The following DPYS variants were observed in gnomAD, a reference collection of about 807,000 sequenced individuals.
DPYS encodes dihydropyrimidine amidohydrolase.
In DPYS, 39 loss-of-function variants were observed where a neutral mutation model predicts 50.3. The observed-to-expected ratio is 0.78, with a 90% CI of 0.60 to 1.01. The LOEUF (loss-of-function observed/expected upper bound fraction) is 1.01. Ranked by LOEUF, DPYS falls within the 50% of genes least tolerant of loss-of-function variation. The pLI is 0.00. For synonymous variants in DPYS, 245 were observed against 250.7 expected, an observed-to-expected ratio of 0.98 and a Z score of 0.22; for missense variants, 659 against 680.9, an observed-to-expected ratio of 0.97 and a Z score of 0.36.
At chr8:104,387,632 T>C (rs984070365) in intron 8 of DPYS, among the ~76,000 whole-genome samples, 4 of 152,228 alleles carry the variant, frequency 2.6e-5, no homozygotes, top group Admixed American at 1.3e-4. Context: ...TTGGTAACTA[T>C]GTGAGCTCCC....
intron 6 of DPYS, among the ~76,000 whole-genome samples, chr8:104,427,200 CAA>C (rs1269273453): frequency 1.4e-4 from 8 of 57,826 alleles, no homozygotes; most frequent in South Asian, 7.5e-4. Context: ...GACTCCGTCT[CAA>C]AAAAAAAAAA....
At chr8:104,441,335 A>G (rs1376190065) in intron 4 of DPYS, among the ~76,000 whole-genome samples, 3 of 152,198 alleles carry the variant, frequency 2.0e-5, no homozygotes, top group Non-Finnish European at 4.4e-5. Flanking sequence ...ATCTACCCTC[A>G]AGATACCCAT....
chr8:104,432,670 A>G (rs971500703), intron 4 of DPYS, among the ~76,000 whole-genome samples: 2 of 152,264 alleles, frequency 1.3e-5, no homozygotes, highest in Admixed American at 6.5e-5. Context: ...ATACAGATTT[A>G]GGTTCAAATC....
chr8:104,461,867 A>G (rs940739654), intron 1 of DPYS, among the ~76,000 whole-genome samples: 5 of 152,172 alleles, frequency 3.3e-5, no homozygotes, highest in Non-Finnish European at 4.4e-5. Flanking sequence ...ATTTAAGGAC[A>G]GGGGGAAATG....
At chr8:104,390,679 A>G (rs1199073246) in intron 8 of DPYS, among the ~76,000 whole-genome samples, 1 of 151,810 alleles carries the variant, frequency 6.6e-6, no homozygotes, top group Non-Finnish European at 1.5e-5. Flanking sequence ...TTGCATTTTT[A>G]GTAGAGATGG....
intron 4 of DPYS, among the ~76,000 whole-genome samples, chr8:104,430,862 C>T (rs1167156886): frequency 6.6e-6 from 1 of 152,124 alleles, no homozygotes; most frequent in Admixed American, 6.6e-5. Context: ...CCGTGACATA[C>T]CCTACTGGAT....
intron 7 of DPYS, among the ~76,000 whole-genome samples, chr8:104,404,721 C>A (rs993171311): frequency 6.6e-6 from 1 of 152,238 alleles, no homozygotes; most frequent in African/African-American, 2.4e-5. Flanking sequence ...GCCCGCAGGC[C>A]AAATCTGGCC....
intron 7 of DPYS, chr8:104,419,104 C>T (rs1321263593): frequency 1.2e-5 from 12 of 977,670 alleles, no homozygotes; most frequent in Non-Finnish European, 1.3e-5. Flanking sequence ...GACAGTTCTT[C>T]CTCCTCTCCT....
At chr8:104,454,459 T>G (rs1397448699) in intron 1 of DPYS, among the ~76,000 whole-genome samples, 1 of 152,186 alleles carries the variant, frequency 6.6e-6, no homozygotes, top group African/African-American at 2.4e-5. Flanking sequence ...GTGAACATAC[T>G]AAAAGCCATT....
At chr8:104,432,808 A>G (rs547276253) in intron 4 of DPYS, among the ~76,000 whole-genome samples, 133 of 152,318 alleles carry the variant, frequency 8.7e-4, no homozygotes, top group African/African-American at 3.0e-3. Context: ...AGTCAAATAA[A>G]TTAATGTTTA....
chr8:104,415,831 G>T (rs1349464006), intron 7 of DPYS, among the ~76,000 whole-genome samples: 1 of 151,986 alleles, frequency 6.6e-6, no homozygotes, highest in Non-Finnish European at 1.5e-5. Flanking sequence ...GTATCTTTTG[G>T]TCCTGTCTGA....
At position 104,466,991 on chromosome 8, in the gene DPYS, C is replaced by G; in HGVS notation, c.-71G>C. ...GGCTGGGTTGGGCGGGCCGGGCGGG[C>G]TTGGGGTGCCCTCCTGCAAGGTCCC... On this transcript the variant is annotated 5_prime_UTR_variant, in exon 1 of 10. Transcript: ENST00000351513. 7.4e-7 allele frequency: 1 copy of G among 1,359,138 alleles called. No homozygotes were observed. Among genetic ancestry groups the G allele is most frequent in the Non-Finnish European group, 9.4e-7 (1 of 1,062,162 alleles). The allele number at this position is 1,359,138 out of a possible 1,614,324, so 84.2% of individuals were successfully genotyped here. A position where few individuals can be genotyped will look rare whatever the true frequency, so the allele number is the denominator to read the frequency against.
At position 104,379,504 on chromosome 8, in the gene DPYS, C is replaced by A. The variant is rs1376478299; in HGVS notation, c.*354G>T. On this transcript the variant is annotated 3_prime_UTR_variant, in exon 10 of 10. Coordinates refer to ENST00000351513, the MANE Select transcript of DPYS (RefSeq NM_001385.3). ...CAGAGCTATTTTAAAACTAATGTAACCATTTTTTTAAAAAAAGAAACTATT... is the reference window on the plus strand; with the variant it reads ...CAGAGCTATTTTAAAACTAATGTAAACATTTTTTTAAAAAAAGAAACTATT... The A allele has an allele frequency of 5.9e-6, 1 of 168,550 alleles. No homozygotes were observed. The highest frequency in any genetic ancestry group is 1.3e-5 in the Non-Finnish European group (1 of 78,806). 10.4% of individuals were successfully genotyped at this position (168,550 alleles called of 1,614,324 possible).
intron 1 of DPYS, among the ~76,000 whole-genome samples, chr8:104,462,847 G>A (rs1777181821): frequency 1.3e-5 from 2 of 152,144 alleles, no homozygotes; most frequent in African/African-American, 4.8e-5. Context: ...TGTACATCTG[G>A]TATAGACCAA....
intron 1 of DPYS, among the ~76,000 whole-genome samples, chr8:104,457,217 T>C (rs1813955926): frequency 6.6e-6 from 1 of 152,174 alleles, no homozygotes; most frequent in Non-Finnish European, 1.5e-5. Context: ...CCACAAGCAC[T>C]GCAATATTGC....
chr8:104,397,119 A>G (rs1811619426), intron 7 of DPYS, among the ~76,000 whole-genome samples: 1 of 152,178 alleles, frequency 6.6e-6, no homozygotes, highest in Non-Finnish European at 1.5e-5. Context: ...ATCCTTGCAC[A>G]TGAAGTTGTC....
intron 6 of DPYS, among the ~76,000 whole-genome samples, chr8:104,426,251 A>G (rs1403920367): frequency 6.6e-6 from 1 of 152,220 alleles, no homozygotes; most frequent in Admixed American, 6.5e-5. Flanking sequence ...TTTTGAGAGA[A>G]CAATAGCACA....
At chr8:104,436,306 G>A (rs1000943143) in intron 4 of DPYS, among the ~76,000 whole-genome samples, 1 of 152,116 alleles carries the variant, frequency 6.6e-6, no homozygotes, top group African/African-American at 2.4e-5. Context: ...AGAAGACCAG[G>A]AGTTTTAAAA....
intron 4 of DPYS, among the ~76,000 whole-genome samples, chr8:104,437,732 C>CTA (rs1166807622): frequency 1.3e-5 from 2 of 152,226 alleles, no homozygotes; most frequent in Non-Finnish European, 2.9e-5. Flanking sequence ...GTTGCTTTCA[C>CTA]TGTACTTTAT....
Sources: gnomAD v4.1 joint callset for allele counts (sites outside exome capture counted in the v4.1 genomes callset) on GRCh38, gnomAD v4.1.1 for gene constraint, MANE v1.5 for transcripts, NCBI Gene and HGNC (gene_info 2026-07-23, HGNC 2026-07-21) for gene names.